TRIQK: variants seen among roughly 807,000 people sequenced by gnomAD.
The protein encoded by TRIQK is triple QxxK/R motif containing.
A neutral mutation model predicts 10.8 loss-of-function variants in TRIQK; 10 were observed. The ratio of observed to expected loss-of-function variants is 0.92; its 90% confidence interval spans 0.57 to 1.57. TRIQK has a LOEUF of 1.57. TRIQK is among the 40% of genes most tolerant of loss of function. The pLI is 0.00. For synonymous variants in TRIQK, 33 were observed against 33.7 expected, an observed-to-expected ratio of 0.98 and a Z score of 0.07; for missense variants, 107 against 97.7, an observed-to-expected ratio of 1.09 and a Z score of -0.40.
At chr8:92,978,349 G>A (rs527702762) in intron 1 of TRIQK, among the ~76,000 whole-genome samples, 2 of 152,244 alleles carry the variant, frequency 1.3e-5, no homozygotes, top group African/African-American at 4.8e-5. Context: ...GATACTTGAT[G>A]CCCAGTGCCT....
intron 1 of TRIQK, among the ~76,000 whole-genome samples, chr8:93,012,437 C>G (rs1466682392): frequency 6.6e-6 from 1 of 151,950 alleles, no homozygotes; most frequent in Non-Finnish European, 1.5e-5. Flanking sequence ...TATGTAGATC[C>G]AGCGTTTTCA....
chr8:93,015,877 C>T (rs573230538), intron 1 of TRIQK, among the ~76,000 whole-genome samples: 1 of 151,960 alleles, frequency 6.6e-6, no homozygotes, highest in East Asian at 1.9e-4. Context: ...CATCTTACTC[C>T]CATTAACCCT....
intron 2 of TRIQK, among the ~76,000 whole-genome samples, chr8:92,952,300 T>C (rs1811950806): frequency 6.6e-6 from 1 of 151,838 alleles, no homozygotes; most frequent in South Asian, 2.1e-4. Flanking sequence ...AAAAACACAA[T>C]AGCAGAAATG....
At chr8:93,003,441 A>G (rs1813236005) in intron 1 of TRIQK, among the ~76,000 whole-genome samples, 1 of 152,076 alleles carries the variant, frequency 6.6e-6, no homozygotes, top group Non-Finnish European at 1.5e-5. Context: ...TCCATGATCC[A>G]ATCACCTCCC....
intron 1 of TRIQK, among the ~76,000 whole-genome samples, chr8:92,964,650 A>G (rs994549896): frequency 6.6e-6 from 1 of 151,812 alleles, no homozygotes. Flanking sequence ...AAATACTTAA[A>G]GCTGAATGGC....
chr8:92,965,761 G>C (rs1812714441), intron 1 of TRIQK: 1 of 152,478 alleles, frequency 6.6e-6, no homozygotes, highest in Admixed American at 6.5e-5. Flanking sequence ...CCATCCCGCA[G>C]CCAGCGCCCT....
intron 2 of TRIQK, among the ~76,000 whole-genome samples, chr8:92,943,461 T>A (rs973383794): frequency 6.6e-6 from 1 of 152,160 alleles, no homozygotes; most frequent in Non-Finnish European, 1.5e-5. Context: ...AGCATGGCAT[T>A]GGCATAAAAA....
At chr8:92,893,405 A>G (rs1387452827) in intron 3 of TRIQK, among the ~76,000 whole-genome samples, 1 of 152,032 alleles carries the variant, frequency 6.6e-6, no homozygotes, top group Non-Finnish European at 1.5e-5. Context: ...CTGCTATTGT[A>G]TAGCAATAAC....
At chr8:92,918,044 C>A (rs7814257) in intron 2 of TRIQK, among the ~76,000 whole-genome samples, 4,394 of 152,096 alleles carry the variant, frequency 0.029, 206 homozygotes, top group African/African-American at 0.1. Flanking sequence ...CATGTTGCTG[C>A]AAATGGCAGC....
chr8:92,946,044 C>A (rs925853217), intron 2 of TRIQK, among the ~76,000 whole-genome samples: 2 of 151,842 alleles, frequency 1.3e-5, no homozygotes, highest in African/African-American at 4.8e-5. Context: ...AAAGGCTAAG[C>A]CTTAATGAAA....
At chr8:92,970,755 T>G (rs960350475), upstream of TRIQK, among the ~76,000 whole-genome samples, 14 of 152,150 alleles carry the variant, frequency 9.2e-5, no homozygotes, top group African/African-American at 2.9e-4. Context: ...GGTTATCTTT[T>G]CACTCATGAT....
intron 1 of TRIQK, among the ~76,000 whole-genome samples, chr8:93,002,493 T>C (rs2130757755): frequency 6.6e-6 from 1 of 152,038 alleles, no homozygotes; most frequent in Middle Eastern, 3.4e-3. Flanking sequence ...ACAAACAAAA[T>C]AGATAACCTC....
intron 1 of TRIQK, among the ~76,000 whole-genome samples, chr8:93,000,390 A>T (rs1813197761): frequency 6.6e-6 from 1 of 152,194 alleles, no homozygotes; most frequent in Admixed American, 6.5e-5. Context: ...GGCACATCTT[A>T]CATGGTGGCC....
intron 3 of TRIQK, among the ~76,000 whole-genome samples, chr8:92,915,448 A>G (rs1809779059): frequency 6.6e-6 from 1 of 152,064 alleles, no homozygotes; most frequent in South Asian, 2.1e-4. Context: ...TGTATAGCAA[A>G]AAGTGATGTT....
chr8:92,985,508 AGT>A (rs1813022662), intron 1 of TRIQK, among the ~76,000 whole-genome samples: 1 of 152,150 alleles, frequency 6.6e-6, no homozygotes, highest in Non-Finnish European at 1.5e-5. Flanking sequence ...GGGATAGCTT[AGT>A]GTAGAGACAT....
chr8:92,995,697 G>A (rs940057674), intron 1 of TRIQK, among the ~76,000 whole-genome samples: 7 of 151,934 alleles, frequency 4.6e-5, no homozygotes, highest in African/African-American at 1.7e-4. Flanking sequence ...CTTCCAGAAA[G>A]TCAAACATAT....
At chr8:93,016,104 G>T (rs1813382620) in intron 1 of TRIQK, among the ~76,000 whole-genome samples, 1 of 151,960 alleles carries the variant, frequency 6.6e-6, no homozygotes, top group Admixed American at 6.6e-5. Context: ...ATGCTTCTTA[G>T]CAAAGATTTA....
At position 92,884,174 on chromosome 8, in the gene TRIQK, C is replaced by A. The variant is rs1816348593; in HGVS notation, c.*2448G>T. The A allele has an allele frequency of 6.6e-6, 1 of 151,728 alleles. No individual in the cohort carries two copies. The highest frequency in any genetic ancestry group is 2.1e-4 in the South Asian group (1 of 4,826). 9.4% of individuals were successfully genotyped at this position (151,728 alleles called of 1,614,324 possible). On this transcript the variant is annotated 3_prime_UTR_variant, in exon 5 of 5. Coordinates refer to ENST00000521988, the MANE Select transcript of TRIQK (RefSeq NM_001171797.2). The stretch of plus-strand genomic sequence containing the variant: ...CCATGTCTAAAATTTGTGTCTGGTG[C>A]CAGTCTCAGATTTCTGCCAAACACC...
At chr8:92,891,926 C>A in intron 4 of TRIQK, 63 bp downstream of exon 4, 1 of 1,125,918 alleles carries the variant, frequency 8.9e-7, no homozygotes, top group South Asian at 1.5e-5. Flanking sequence ...TTATGCAATC[C>A]AGTTTTAGAA....
Sources: allele counts gnomAD v4.1 joint callset (sites outside exome capture counted in the v4.1 genomes callset), GRCh38; gene constraint gnomAD v4.1.1; transcripts MANE v1.5; gene names NCBI Gene and HGNC (gene_info 2026-07-23, HGNC 2026-07-21).